Variants in PTPRO observed in about 807,000 individuals in gnomAD.
PTPRO encodes the protein receptor-type tyrosine-protein phosphatase O.
In PTPRO, 62 loss-of-function variants were observed where a neutral mutation model predicts 145.2. The observed-to-expected ratio is 0.43, with a 90% CI of 0.35 to 0.53. PTPRO has a LOEUF of 0.53. PTPRO is among the 20% of genes least tolerant of loss of function. PTPRO has a pLI of 0.01. For missense variants in PTPRO, 1,345 were observed against 1,482.7 expected, an observed-to-expected ratio of 0.91 and a Z score of 1.53; for synonymous variants, 565 against 514.7, an observed-to-expected ratio of 1.10 and a Z score of -1.32.
Position 15,390,735 on chromosome 12 carries a change from CT to C in PTPRO, c.75+67936del, listed in dbSNP as rs571818334. On this transcript the variant is annotated intron_variant, in intron 1 of 26. Transcript: ENST00000281171. ...AAGCTAATTGAAACATTTATTGGAA[CT>C]TATTAGCACAGCAGTGGCTGGGTAA... 4.2e-3 allele frequency among the ~76,000 whole-genome samples: 645 copies of C among 152,246 alleles called. 4 individuals are homozygous for C. Among genetic ancestry groups the C allele is most frequent in the Middle Eastern group, 0.01 (3 of 294 alleles).
At chr12:15,356,936 G>C (rs745559651) in intron 1 of PTPRO, among the ~76,000 whole-genome samples, 62 of 152,128 alleles carry the variant, frequency 4.1e-4, no homozygotes, top group Non-Finnish European at 7.8e-4. Flanking sequence ...GGTCAATGCT[G>C]TAGATAATTG....
At chr12:15,324,486 T>C (rs1866390126) in intron 1 of PTPRO, among the ~76,000 whole-genome samples, 1 of 152,212 alleles carries the variant, frequency 6.6e-6, no homozygotes, top group Non-Finnish European at 1.5e-5. Flanking sequence ...TGTTAGTGAT[T>C]GTCATAGAGG....
intron 1 of PTPRO, among the ~76,000 whole-genome samples, chr12:15,482,426 C>G (rs1347528463): frequency 6.6e-6 from 1 of 151,958 alleles, no homozygotes; most frequent in Non-Finnish European, 1.5e-5. Flanking sequence ...CAAAAGTATA[C>G]CTAGCCAGGA....
Position 15,516,861 on chromosome 12 carries a change from G to A in PTPRO, c.1684G>A (p.Val562Met), listed in dbSNP as rs747331047. The A allele has an allele frequency of 1.9e-5, 31 of 1,612,552 alleles. No individual in the cohort carries two copies. The highest frequency in any genetic ancestry group is 1.6e-4 in the Middle Eastern group (1 of 6,082). Residue 562 changes from valine to methionine, a missense_variant, in exon 9 of 27, where the codon GTG becomes ATG. Around this residue, in one of 3 missense-constraint regions of PTPRO, gnomAD observed 1,130 missense variants for 1,214.7 expected, o/e 0.93. Coordinates refer to ENST00000281171, the MANE Select transcript of PTPRO (RefSeq NM_030667.3). ...TTATTTAGGCGTGTTCAGAAAATAC[G>A]TGGTTGAAATGTTTTATTTCAACCC... ...RPYLGVFRKY[V>M]VEMFYFNPAT...
intron 19 of PTPRO, 53 bp downstream of exon 19, chr12:15,569,551 T>C: frequency 6.7e-7 from 1 of 1,495,442 alleles, no homozygotes; most frequent in Middle Eastern, 1.7e-4. Context: ...GCCTGGGAAT[T>C]GGGGGGTTTG....
intron 15 of PTPRO, among the ~76,000 whole-genome samples, chr12:15,556,611 C>A (rs73313528): frequency 6.6e-6 from 1 of 152,074 alleles, no homozygotes; most frequent in African/African-American, 2.4e-5. Context: ...ACATTCCACT[C>A]TTTTATTCTA....
intron 9 of PTPRO, among the ~76,000 whole-genome samples, chr12:15,518,789 A>G (rs981832111): frequency 6.6e-6 from 1 of 152,208 alleles, no homozygotes; most frequent in Admixed American, 6.5e-5. Flanking sequence ...CAAGTTCTTC[A>G]TCCCCATCTG....
At chr12:15,585,212 G>A (rs546462089) in intron 23 of PTPRO, among the ~76,000 whole-genome samples, 2 of 152,326 alleles carry the variant, frequency 1.3e-5, no homozygotes, top group South Asian at 4.2e-4. Context: ...TACAAATTAT[G>A]ATCAGCATTT....
At position 15,415,213 on chromosome 12, in the gene PTPRO, C is replaced by T. The variant is rs1220975480; in HGVS notation, c.76-68761C>T. ...ACCTAAATTCTCTTTTTTCCTGGCC[C>T]GTCCAGCTACCTCCCCCCCAAAAAA... On this transcript the variant is annotated intron_variant, in intron 1 of 26. Transcript: ENST00000281171. 6.6e-5 allele frequency among the ~76,000 whole-genome samples: 10 copies of T among 152,024 alleles called. No homozygotes were observed. The East Asian group carries it at 9.7e-4, about 15-fold the overall frequency.
At chr12:15,445,714 A>T (rs922029413) in intron 1 of PTPRO, among the ~76,000 whole-genome samples, 1 of 152,180 alleles carries the variant, frequency 6.6e-6, no homozygotes, top group Non-Finnish European at 1.5e-5. Context: ...ATCTCCATTT[A>T]GAAAAAAAAT....
chr12:15,548,208 AAAAATGC>A (rs1460651267), intron 13 of PTPRO, among the ~76,000 whole-genome samples: 1 of 152,190 alleles, frequency 6.6e-6, no homozygotes, highest in African/African-American at 2.4e-5. Context: ...ACGGTAAAAA[AAAAATGC>A]AAAATAAAAC....
At position 15,497,379 on chromosome 12, in the gene PTPRO, G is replaced by A; in HGVS notation, c.484G>A (p.Asp162Asn). The A allele has an allele frequency of 6.2e-7, 1 of 1,613,526 alleles. No homozygotes were observed. Among genetic ancestry groups the A allele is most frequent in the African/African-American group, 1.3e-5 (1 of 75,044 alleles). The stretch of plus-strand genomic sequence containing the variant: ...GAACATTAGCTACTGGGAAGGTAAA[G>A]ACTTCCGGACAATGCTATATAAAGG... ...RVNISYWEGKDFRTMLYKDFF... is the reference protein window; with the variant it reads ...RVNISYWEGKNFRTMLYKDFF... The change falls in exon 3 of 27, where the codon GAC (aspartate) becomes AAC (asparagine). Residue 162 changes from aspartate (D) to asparagine (N), a missense_variant. By Grantham distance (23) the Asp-to-Asn change is conservative (BLOSUM62 1). Coordinates refer to ENST00000281171, the MANE Select transcript of PTPRO (RefSeq NM_030667.3).
At chr12:15,505,892 A>G (rs1309117738) in intron 6 of PTPRO, among the ~76,000 whole-genome samples, 2 of 152,216 alleles carry the variant, frequency 1.3e-5, no homozygotes, top group Non-Finnish European at 2.9e-5. Context: ...ATGCCTTCCC[A>G]GAGATGAGAA....
At chr12:15,346,280 T>A (rs1390819580) in intron 1 of PTPRO, among the ~76,000 whole-genome samples, 1 of 152,216 alleles carries the variant, frequency 6.6e-6, no homozygotes, top group Admixed American at 6.5e-5. Flanking sequence ...ACAAACCATG[T>A]CATAGAGAAG....
At chr12:15,579,331 A>T (rs7971426) in intron 20 of PTPRO, among the ~76,000 whole-genome samples, 6,314 of 152,292 alleles carry the variant, frequency 0.041, 407 homozygotes, top group African/African-American at 0.14. Context: ...ACTTCTGACA[A>T]GTTATATAGT....
chr12:15,454,449 T>C (rs253793), intron 1 of PTPRO, among the ~76,000 whole-genome samples: 3,738 of 152,322 alleles, frequency 0.025, 173 homozygotes, highest in African/African-American at 0.084. Context: ...AAGAGTTCCT[T>C]ATATATTTTG....
intron 1 of PTPRO, among the ~76,000 whole-genome samples, chr12:15,408,917 G>A (rs1253677802): frequency 6.6e-6 from 1 of 152,084 alleles, no homozygotes; most frequent in Admixed American, 6.6e-5. Flanking sequence ...TAAACCTCAA[G>A]AGATAATGAA....
At chr12:15,565,002 T>C (rs935193286) in intron 17 of PTPRO, among the ~76,000 whole-genome samples, 1 of 152,142 alleles carries the variant, frequency 6.6e-6, no homozygotes, top group South Asian at 2.1e-4. Flanking sequence ...AGACTAGTAA[T>C]GATGAAGAGC....
chr12:15,569,441 T>C lies in PTPRO; in HGVS notation c.2772T>C (p.Asp924=). The change falls in exon 19 of 27, where the codon GAT becomes GAC. Residue 924 remains aspartate (D), a synonymous_variant. Coordinates refer to ENST00000281171, the MANE Select transcript of PTPRO (RefSeq NM_030667.3). ...GCCCGGTTCAACTGGATGACTTTGA[T>C]GCCTATATTAAGGATATGGCCAAAG... ...LTNPVQLDDF[D]AYIKDMAKDS... The C allele has an allele frequency of 6.2e-7, 1 of 1,613,794 alleles. No individual in the cohort carries two copies. The highest frequency in any genetic ancestry group is 8.5e-7 in the Non-Finnish European group (1 of 1,179,724).
Sources: allele counts gnomAD v4.1 joint callset (sites outside exome capture counted in the v4.1 genomes callset), GRCh38; gene constraint gnomAD v4.1.1; regional missense constraint gnomAD v4.1.1; transcripts MANE v1.5; gene names NCBI Gene and HGNC (gene_info 2026-07-23, HGNC 2026-07-21).